Variants in DEPTOR observed in about 807,000 individuals in gnomAD.
DEPTOR encodes DEP domain-containing mTOR-interacting protein.
Under a neutral mutation model 41.6 loss-of-function variants are expected in DEPTOR, and 41 were observed. That is an observed-to-expected ratio of 0.98 (90% CI 0.77 to 1.28). The LOEUF is 1.28. Ranked by LOEUF, DEPTOR falls within the 50% of genes most tolerant of loss-of-function variation. The pLI is 0.00. For synonymous variants in DEPTOR, 195 were observed against 192.3 expected (o/e 1.01, Z -0.12); for missense variants, 514 against 527.9 (o/e 0.97, Z 0.26).
intron 1 of DEPTOR, among the ~76,000 whole-genome samples, chr8:119,908,658 G>A (rs7017821): frequency 0.22 from 33,334 of 151,904 alleles, 4,234 homozygotes; most frequent in African/African-American, 0.34. Context: ...GCGTCATCCC[G>A]CCTGGCTAAT....
intron 8 of DEPTOR, among the ~76,000 whole-genome samples, chr8:120,018,651 A>G (rs1812648754): frequency 6.6e-6 from 1 of 152,186 alleles, no homozygotes; most frequent in Non-Finnish European, 1.5e-5. Flanking sequence ...ATTGTTTTGT[A>G]TGCAGTGCTA....
At chr8:119,911,422 G>T (rs919250383) in intron 1 of DEPTOR, among the ~76,000 whole-genome samples, 1 of 148,172 alleles carries the variant, frequency 6.7e-6, no homozygotes, top group Non-Finnish European at 1.5e-5. Flanking sequence ...GGGTTCAAGC[G>T]ATTCTCCTGC....
intron 4 of DEPTOR, among the ~76,000 whole-genome samples, chr8:119,993,748 C>CT (rs199788166): frequency 2.0e-5 from 3 of 151,396 alleles, no homozygotes; most frequent in South Asian, 4.2e-4. Context: ...CTTCTCTTTA[C>CT]TTTTTTTTCC....
intron 8 of DEPTOR, among the ~76,000 whole-genome samples, chr8:120,034,898 A>G (rs1426499264): frequency 6.6e-6 from 1 of 152,230 alleles, no homozygotes; most frequent in Admixed American, 6.5e-5. Flanking sequence ...TATTAAAGCC[A>G]AACAGATAAT....
At chr8:120,036,598 ACTAGAC>A (rs1812982568) in intron 8 of DEPTOR, among the ~76,000 whole-genome samples, 1 of 152,124 alleles carries the variant, frequency 6.6e-6, no homozygotes, top group Non-Finnish European at 1.5e-5. Context: ...GTCTGTGTGC[ACTAGAC>A]ACAAACACAT....
intron 1 of DEPTOR, among the ~76,000 whole-genome samples, chr8:119,898,932 G>A (rs916519497): frequency 1.3e-4 from 20 of 152,010 alleles, no homozygotes; most frequent in Admixed American, 4.6e-4. Context: ...TGCCACTAAG[G>A]ACTAATGGGT....
chr8:119,927,662 G>A (rs1245836026), intron 1 of DEPTOR, among the ~76,000 whole-genome samples: 1 of 150,996 alleles, frequency 6.6e-6, no homozygotes, highest in Non-Finnish European at 1.5e-5. Context: ...AGGCTGGAGT[G>A]CAATGGCACG....
chr8:119,999,540 C>G (rs1016424575), intron 4 of DEPTOR, among the ~76,000 whole-genome samples: 1 of 152,012 alleles, frequency 6.6e-6, no homozygotes, highest in African/African-American at 2.4e-5. Context: ...AGGAGGATCA[C>G]TTGAGCCCAG....
intron 3 of DEPTOR, among the ~76,000 whole-genome samples, chr8:119,962,086 C>CAAAAA (rs772605916): frequency 2.1e-5 from 1 of 48,196 alleles, no homozygotes; most frequent in Non-Finnish European, 4.6e-5. Context: ...ACTAAAAATA[C>CAAAAA]AAAAAAAAAA....
intron 3 of DEPTOR, among the ~76,000 whole-genome samples, chr8:119,948,268 C>G (rs190478580): frequency 2.0e-4 from 31 of 152,202 alleles, no homozygotes; most frequent in African/African-American, 7.5e-4. Flanking sequence ...TTTAAATGGT[C>G]TAGGCATCAT....
At chr8:119,947,244 T>G (rs1244089973) in intron 3 of DEPTOR, among the ~76,000 whole-genome samples, 1 of 152,218 alleles carries the variant, frequency 6.6e-6, no homozygotes, top group African/African-American at 2.4e-5. Context: ...GGGGACAAGG[T>G]AATTGACCAG....
chr8:120,037,764 A>G (rs1813000454), intron 8 of DEPTOR, among the ~76,000 whole-genome samples: 1 of 152,150 alleles, frequency 6.6e-6, no homozygotes, highest in Non-Finnish European at 1.5e-5. Flanking sequence ...ATAAGACGCT[A>G]TATGCCCCTG....
At chr8:119,924,644 C>T (rs917212995) in intron 1 of DEPTOR, among the ~76,000 whole-genome samples, 1 of 152,028 alleles carries the variant, frequency 6.6e-6, no homozygotes, top group Non-Finnish European at 1.5e-5. Flanking sequence ...GCTAATCTAC[C>T]CTATCGGTAA....
chr8:119,957,407 A>G (rs560801307), intron 3 of DEPTOR, among the ~76,000 whole-genome samples: 4 of 152,136 alleles, frequency 2.6e-5, no homozygotes, highest in Non-Finnish European at 5.9e-5. Context: ...CATGGTCCAG[A>G]TTTGTAGGAA....
intron 4 of DEPTOR, among the ~76,000 whole-genome samples, chr8:119,993,829 C>T: frequency 1.3e-5 from 2 of 150,464 alleles, no homozygotes. Flanking sequence ...TTTTTATATT[C>T]AGTATGGAGT....
chr8:119,904,453 G>GA (rs1827635222), intron 1 of DEPTOR, among the ~76,000 whole-genome samples: 1 of 151,498 alleles, frequency 6.6e-6, no homozygotes, highest in African/African-American at 2.4e-5. Flanking sequence ...ATTGCAGGTA[G>GA]AAAAAACTGG....
chr8:119,940,468 G>A (rs766698217), intron 3 of DEPTOR, among the ~76,000 whole-genome samples: 4 of 151,550 alleles, frequency 2.6e-5, no homozygotes, highest in Non-Finnish European at 4.4e-5. Flanking sequence ...AAATATGGCC[G>A]GGCACAGTGG....
chr8:120,009,628 CAA>C (rs369328002), intron 8 of DEPTOR, among the ~76,000 whole-genome samples: 90 of 136,972 alleles, frequency 6.6e-4, no homozygotes, highest in African/African-American at 2.1e-3. Context: ...CAAAACAAAA[CAA>C]AACAACAACA....
intron 1 of DEPTOR, among the ~76,000 whole-genome samples, chr8:119,890,343 C>A (rs1481855576): frequency 6.6e-6 from 1 of 151,944 alleles, no homozygotes; most frequent in Non-Finnish European, 1.5e-5. Context: ...CACTCTGTCA[C>A]CCAGGCTGGA....
Sources: allele counts gnomAD v4.1 joint callset (sites outside exome capture counted in the v4.1 genomes callset), GRCh38; gene constraint gnomAD v4.1.1; transcripts MANE v1.5; gene names NCBI Gene and HGNC (gene_info 2026-07-23, HGNC 2026-07-21).